CSMD3: variants seen among roughly 807,000 people sequenced by gnomAD.
The protein encoded by CSMD3 is CUB and Sushi multiple domains 3, also known as CUB and sushi domain-containing protein 3.
Under a neutral mutation model 435.2 loss-of-function variants are expected in CSMD3, and 177 were observed. That is an observed-to-expected ratio of 0.41 (90% CI 0.36 to 0.46). CSMD3 has a LOEUF of 0.46. Among genes scored for constraint, CSMD3 ranks in the 20% least tolerant of loss-of-function variants. The pLI, the probability that CSMD3 is intolerant of heterozygous loss-of-function variation, is 0.34. For missense variants in CSMD3, 4,265 were observed against 4,504.6 expected, an observed-to-expected ratio of 0.95 and a Z score of 1.52; for synonymous variants, 1,656 against 1,520.5, an observed-to-expected ratio of 1.09 and a Z score of -2.07.
chr8:112,637,734 C>T (rs747617324), intron 21 of CSMD3, among the ~76,000 whole-genome samples: 7 of 151,956 alleles, frequency 4.6e-5, no homozygotes, highest in Non-Finnish European at 8.8e-5. Flanking sequence ...CAACAAAGAA[C>T]AAGAGGCATT....
chr8:113,362,236 T>G (rs2094282171), intron 1 of CSMD3, among the ~76,000 whole-genome samples: 1 of 152,020 alleles, frequency 6.6e-6, no homozygotes, highest in Non-Finnish European at 1.5e-5. Flanking sequence ...AAACTATAAC[T>G]CACAGATTAG....
intron 1 of CSMD3, among the ~76,000 whole-genome samples, chr8:113,351,693 C>A (rs1217771285): frequency 3.9e-5 from 6 of 152,034 alleles, no homozygotes; most frequent in Non-Finnish European, 7.4e-5. Context: ...AAGTGCTTTG[C>A]AGATATTATC....
At chr8:113,306,466 T>TG (rs2093822336) in intron 2 of CSMD3, among the ~76,000 whole-genome samples, 1 of 152,172 alleles carries the variant, frequency 6.6e-6, no homozygotes, top group Admixed American at 6.6e-5. Context: ...AACTACCCTC[T>TG]GGTCATTTGT....
chr8:112,708,996 G>A (rs1445521725), intron 13 of CSMD3, among the ~76,000 whole-genome samples: 1 of 151,912 alleles, frequency 6.6e-6, no homozygotes, highest in Non-Finnish European at 1.5e-5. Flanking sequence ...TCTCTTGACT[G>A]CGTTTAAGTC....
In CSMD3 at chr8:112,350,353, A is replaced by T. The variant is rs1308779919; in HGVS notation, c.6325+822T>A. ...TCTTCTTCCTCCATGTGTCTTAATTAGACTTATTATCCAAAACTCTGTGAA... is the reference window on the plus strand; with the variant it reads ...TCTTCTTCCTCCATGTGTCTTAATTTGACTTATTATCCAAAACTCTGTGAA... On this transcript the variant is annotated intron_variant, in intron 40 of 70. Transcript: ENST00000297405. 6.9e-5 allele frequency among the ~76,000 whole-genome samples: 10 copies of T among 145,794 alleles called. No homozygotes were observed. In the Admixed American group the frequency reaches 7.0e-4, roughly 10 times the overall value.
chr8:112,375,853 A>T (rs552582012), intron 38 of CSMD3, among the ~76,000 whole-genome samples: 2 of 152,258 alleles, frequency 1.3e-5, no homozygotes, highest in South Asian at 4.1e-4. Context: ...AACAAAGTCA[A>T]ATTTCTCATT....
intron 13 of CSMD3, among the ~76,000 whole-genome samples, chr8:112,718,512 T>C (rs1400033940): frequency 6.8e-6 from 1 of 147,156 alleles, no homozygotes; most frequent in Non-Finnish European, 1.5e-5. Context: ...TGTGTATATA[T>C]ATGTATATAT....
At chr8:112,421,903 T>C (rs1043551267) in intron 32 of CSMD3, among the ~76,000 whole-genome samples, 3 of 152,060 alleles carry the variant, frequency 2.0e-5, no homozygotes, top group Non-Finnish European at 4.4e-5. Context: ...ATCAGCTTCA[T>C]TGATCCTCAC....
chr8:112,662,908 A>C (rs952671531), intron 17 of CSMD3, among the ~76,000 whole-genome samples: 1 of 152,144 alleles, frequency 6.6e-6, no homozygotes, highest in Non-Finnish European at 1.5e-5. Context: ...ATGCAGCCAA[A>C]AGACACATGA....
intron 35 of CSMD3, among the ~76,000 whole-genome samples, chr8:112,404,308 T>C (rs902482860): frequency 7.1e-4 from 108 of 152,220 alleles, no homozygotes; most frequent in Middle Eastern, 3.4e-3. Flanking sequence ...GGCGGGTGGA[T>C]CACGATGTCA....
At chr8:113,264,756 A>T (rs1213250747) in intron 3 of CSMD3, among the ~76,000 whole-genome samples, 2 of 151,716 alleles carry the variant, frequency 1.3e-5, no homozygotes, top group African/African-American at 4.8e-5. Context: ...AACCTTAATT[A>T]TTTAATGTAA....
chr8:112,577,418 G>A (rs745818153), intron 23 of CSMD3, among the ~76,000 whole-genome samples: 3 of 152,138 alleles, frequency 2.0e-5, no homozygotes, highest in Non-Finnish European at 2.9e-5. Context: ...GACTAGAGCC[G>A]TAGGACTTTT....
At chr8:113,044,010 T>C (rs1206496599) in intron 5 of CSMD3, among the ~76,000 whole-genome samples, 2 of 152,078 alleles carry the variant, frequency 1.3e-5, no homozygotes, top group African/African-American at 4.8e-5. Flanking sequence ...CAGCCCTACC[T>C]TAAATTCTTT....
intron 24 of CSMD3, among the ~76,000 whole-genome samples, chr8:112,562,715 T>C (rs1299445296): frequency 6.6e-6 from 1 of 151,708 alleles, no homozygotes. Flanking sequence ...GGGAACTATA[T>C]TTAATATTTG....
chr8:113,057,181 T>C (rs1369566928), intron 5 of CSMD3, among the ~76,000 whole-genome samples: 1 of 152,182 alleles, frequency 6.6e-6, no homozygotes, highest in Non-Finnish European at 1.5e-5. Flanking sequence ...CAGTTCACTA[T>C]GCCATTTTAA....
intron 50 of CSMD3, among the ~76,000 whole-genome samples, chr8:112,308,915 A>G (rs1821695003): frequency 6.6e-6 from 1 of 152,054 alleles, no homozygotes; most frequent in Non-Finnish European, 1.5e-5. Context: ...TGCATTATGC[A>G]AATAGCTCTT....
At chr8:113,342,749 G>A (rs2094128342) in intron 1 of CSMD3, among the ~76,000 whole-genome samples, 1 of 152,104 alleles carries the variant, frequency 6.6e-6, no homozygotes, top group Non-Finnish European at 1.5e-5. Context: ...CACAATGTAT[G>A]ACATAAAAAC....
chr8:112,980,659 C>T (rs1322729531), intron 6 of CSMD3, among the ~76,000 whole-genome samples: 2 of 151,244 alleles, frequency 1.3e-5, no homozygotes, highest in Non-Finnish European at 3.0e-5. Context: ...TTCTGTGAAA[C>T]TTATAGGAAA....
chr8:113,264,108 G>C (rs1034050375), intron 3 of CSMD3, among the ~76,000 whole-genome samples: 1 of 151,066 alleles, frequency 6.6e-6, no homozygotes, highest in African/African-American at 2.4e-5. Context: ...ACAATATTTA[G>C]CATCAAATAA....
Sources: gnomAD v4.1 joint callset for allele counts (sites outside exome capture counted in the v4.1 genomes callset) on GRCh38, gnomAD v4.1.1 for gene constraint, MANE v1.5 for transcripts, NCBI Gene and HGNC (gene_info 2026-07-23, HGNC 2026-07-21) for gene names.